TBC1D1: variants seen among roughly 807,000 people sequenced by gnomAD.
TBC1D1 encodes the protein TBC1 domain family member 1, also known as TBC1 (tre-2/USP6, BUB2, cdc16) domain family, member 1.
In TBC1D1, 89 loss-of-function variants were observed where a neutral mutation model predicts 125.6. The ratio of observed to expected loss-of-function variants is 0.71; its 90% CI spans 0.60 to 0.85. TBC1D1 has a LOEUF of 0.85. Ranked by LOEUF, TBC1D1 falls within the 40% of genes least tolerant of loss-of-function variation. The probability of loss-of-function intolerance (pLI) is 0.00; values close to 1 mark genes in which losing one functional copy is unlikely to be tolerated. For missense variants in TBC1D1, 1,377 were observed against 1,469.2 expected (o/e 0.94, Z 1.03); for synonymous variants, 565 against 564.1 (o/e 1.00, Z -0.02).
intron 12 of TBC1D1, among the ~76,000 whole-genome samples, chr4:38,069,648 C>T (rs1335458615): frequency 6.6e-6 from 1 of 152,142 alleles, no homozygotes; most frequent in African/African-American, 2.4e-5. Flanking sequence ...TGCCAACCCC[C>T]AGATCTGTAT....
Position 37,902,322 on chromosome 4 carries a change from A to T in TBC1D1, c.227A>T (p.Glu76Val). The stretch of plus-strand genomic sequence containing the variant: ...GTTTCACCCTCTGGACTGAGATGTG[A>T]ACCTGAGCCAGGGAGAAGTCAACAG... The change falls in exon 2 of 20, where the codon GAA becomes GTA. Residue 76 changes from glutamate to valine, a missense_variant. Glu to Val is a moderately radical substitution (Grantham distance 121). Around this residue, in one of 3 missense-constraint regions of TBC1D1, gnomAD observed 822 missense variants for 824.6 expected, o/e 1.00. Transcript: ENST00000261439. The T allele has an allele frequency of 6.2e-7, 1 of 1,614,138 alleles. No homozygotes were observed. The highest frequency in any genetic ancestry group is 8.5e-7 in the Non-Finnish European group (1 of 1,180,020).
Position 38,032,102 on chromosome 4 carries a change from C to T in TBC1D1, c.1303-3486C>T, listed in dbSNP as rs80028997. ...GGGAGGCCAAGGCGGGCGGATCACC[C>T]GAGGTCAGGAGTTCAAGACTAGCCT... is the stretch of plus-strand genomic sequence containing the variant. On this transcript the variant is annotated intron_variant, in intron 7 of 19. Coordinates refer to ENST00000261439, the MANE Select transcript of TBC1D1 (RefSeq NM_015173.4). Among the ~76,000 whole-genome samples, 608 of 151,994 alleles carry T rather than the reference C, an allele frequency of 4.0e-3. 9 individuals are homozygous for T. The highest frequency in any genetic ancestry group is 0.034 in the East Asian group (176 of 5,124).
At chr4:38,097,661 A>G (rs1369627847) in intron 14 of TBC1D1, among the ~76,000 whole-genome samples, 1 of 151,730 alleles carries the variant, frequency 6.6e-6, no homozygotes, top group African/African-American at 2.4e-5. Flanking sequence ...TGTTTTTACT[A>G]GAGACGGGTT....
chr4:37,982,506 G>A (rs1259864378), intron 2 of TBC1D1, among the ~76,000 whole-genome samples: 1 of 152,182 alleles, frequency 6.6e-6, no homozygotes, highest in Non-Finnish European at 1.5e-5. Flanking sequence ...GTATAACCCT[G>A]ACCAGGATTT....
chr4:37,943,184 G>A (rs1159468953), intron 2 of TBC1D1, among the ~76,000 whole-genome samples: 1 of 152,056 alleles, frequency 6.6e-6, no homozygotes, highest in East Asian at 1.9e-4. Flanking sequence ...TCTGGCTTGT[G>A]GAGTTTCTGC....
At chr4:37,992,908 G>T (rs1360034157) in intron 2 of TBC1D1, among the ~76,000 whole-genome samples, 1 of 149,962 alleles carries the variant, frequency 6.7e-6, no homozygotes, top group African/African-American at 2.5e-5. Context: ...GGGTTCAAGT[G>T]ATTCTCCTGC....
At chr4:38,076,797 G>GA (rs1755672452) in intron 12 of TBC1D1, among the ~76,000 whole-genome samples, 1 of 151,132 alleles carries the variant, frequency 6.6e-6, no homozygotes, top group African/African-American at 2.4e-5. Context: ...TTTTTCAGGA[G>GA]GAAAAAAAAC....
chr4:38,029,344 A>C (rs942519003), intron 7 of TBC1D1, among the ~76,000 whole-genome samples: 1 of 152,152 alleles, frequency 6.6e-6, no homozygotes, highest in African/African-American at 2.4e-5. Flanking sequence ...TAGTGTAAAA[A>C]AAATGAAAGG....
intron 19 of TBC1D1, among the ~76,000 whole-genome samples, chr4:38,135,962 G>GTA (rs1394917707): frequency 6.7e-6 from 1 of 150,070 alleles, no homozygotes. Flanking sequence ...GTATATATGT[G>GTA]TATATATATA....
At chr4:38,081,718 C>G (rs1756596872) in intron 12 of TBC1D1, among the ~76,000 whole-genome samples, 1 of 152,056 alleles carries the variant, frequency 6.6e-6, no homozygotes, top group Non-Finnish European at 1.5e-5. Context: ...ATTTAATCCC[C>G]ACAACAAAGC....
chr4:37,972,762 C>T (rs563427328), intron 2 of TBC1D1, among the ~76,000 whole-genome samples: 5 of 151,092 alleles, frequency 3.3e-5, no homozygotes, highest in African/African-American at 4.9e-5. Context: ...ATTAGCCGTG[C>T]GTGGTGGTGC....
intron 8 of TBC1D1, among the ~76,000 whole-genome samples, chr4:38,039,648 G>A (rs1747965767): frequency 6.6e-6 from 1 of 152,192 alleles, no homozygotes; most frequent in Non-Finnish European, 1.5e-5. Flanking sequence ...TAGATACATT[G>A]TGCCAGCCTG....
chr4:38,093,338 G>A (rs776324592), intron 13 of TBC1D1, among the ~76,000 whole-genome samples: 6 of 152,058 alleles, frequency 3.9e-5, no homozygotes, highest in African/African-American at 7.2e-5. Context: ...TGGAAGCATC[G>A]CATTCTGGAA....
chr4:37,939,223 C>A (rs1428952235), intron 2 of TBC1D1, among the ~76,000 whole-genome samples: 2 of 152,288 alleles, frequency 1.3e-5, no homozygotes, highest in South Asian at 2.1e-4. Flanking sequence ...CCATTCTAAC[C>A]AGTGTGAGAT....
intron 13 of TBC1D1, among the ~76,000 whole-genome samples, chr4:38,092,624 A>G (rs904892533): frequency 6.6e-6 from 1 of 151,842 alleles, no homozygotes; most frequent in Non-Finnish European, 1.5e-5. Flanking sequence ...AATCCCAGCT[A>G]CTTGGAAGAG....
Position 38,138,788 on chromosome 4 carries a change from G to A in TBC1D1, c.*1453G>A, listed in dbSNP as rs1202609292. 2 of 152,278 alleles carry A rather than the reference G, an allele frequency of 1.3e-5. No individual in the cohort carries two copies. Among genetic ancestry groups the A allele is most frequent in the Non-Finnish European group, 2.9e-5 (2 of 68,004 alleles). The allele number at this position is 152,278 out of a possible 1,614,324, so 9.4% of individuals were successfully genotyped here. ...TCTTTTGATTCTCTCAGTTGCGGGG[G>A]GCATCTCTTAATCCTGGGGTAAAAG... On this transcript the variant is annotated 3_prime_UTR_variant, in exon 20 of 20. Coordinates refer to ENST00000261439, the MANE Select transcript of TBC1D1 (RefSeq NM_015173.4).
chr4:37,896,242 G>C (rs533607578), intron 1 of TBC1D1, among the ~76,000 whole-genome samples: 2 of 152,250 alleles, frequency 1.3e-5, no homozygotes, highest in East Asian at 3.9e-4. Flanking sequence ...GCATTCTGAG[G>C]AGGTGAGGGC....
intron 2 of TBC1D1, among the ~76,000 whole-genome samples, chr4:37,966,526 A>G (rs1731098947): frequency 6.6e-6 from 1 of 152,196 alleles, no homozygotes; most frequent in African/African-American, 2.4e-5. Context: ...GCCAATGGAC[A>G]TTTTCAATTA....
chr4:38,046,534 G>A (rs1749516080), intron 10 of TBC1D1, among the ~76,000 whole-genome samples: 1 of 151,842 alleles, frequency 6.6e-6, no homozygotes, highest in Admixed American at 6.6e-5. Flanking sequence ...TTATTACATG[G>A]GTATATTGCA....
Sources: gnomAD v4.1 joint callset for allele counts (sites outside exome capture counted in the v4.1 genomes callset) on GRCh38, gnomAD v4.1.1 for gene constraint, gnomAD v4.1.1 regional missense constraint, MANE v1.5 for transcripts, NCBI Gene and HGNC (gene_info 2026-07-23, HGNC 2026-07-21) for gene names.